The following GPR174 variants were observed in gnomAD, a reference collection of about 807,000 sequenced individuals.
GPR174 encodes the protein G protein-coupled receptor 174, also known as probable G protein-coupled receptor 174.
A neutral mutation model predicts 16.5 loss-of-function variants in GPR174; 8 were observed. That is an observed-to-expected ratio of 0.48 (90% confidence interval 0.28 to 0.87). The LOEUF (loss-of-function observed/expected upper bound fraction) is 0.87, where lower values mean the gene tolerates loss of function less well. Among genes scored for constraint, GPR174 ranks in the 40% least tolerant of loss-of-function variants. GPR174 has a pLI of 0.09. For synonymous variants in GPR174, 111 were observed against 94.8 expected, an observed-to-expected ratio of 1.17 and a Z score of -0.99; for missense variants, 214 against 247.5, an observed-to-expected ratio of 0.86 and a Z score of 0.91.
intron 2 of GPR174, among the ~76,000 whole-genome samples, chrX:79,158,263 G>A (rs1359829951): frequency 9.5e-6 from 1 of 105,006 alleles, no homozygotes; most frequent in Admixed American, 1.0e-4. Flanking sequence ...CTCTGTTCAA[G>A]ACCACTTGAG....
chrX:79,155,812 G>A (rs756248101), intron 1 of GPR174, among the ~76,000 whole-genome samples: 21 of 111,805 alleles, frequency 1.9e-4, no homozygotes, highest in African/African-American at 6.5e-4. Flanking sequence ...CGTGTTAAAA[G>A]GATTAGCTTG....
intron 2 of GPR174, among the ~76,000 whole-genome samples, chrX:79,163,954 G>A (rs1166826404): frequency 1.8e-5 from 2 of 111,169 alleles, no homozygotes; most frequent in African/African-American, 3.3e-5. Context: ...ATATGAAATG[G>A]CCCTATATGA....
chrX:79,163,767 C>T (rs1480446972), intron 2 of GPR174, among the ~76,000 whole-genome samples: 10 of 111,606 alleles, frequency 9.0e-5, no homozygotes, highest in African/African-American at 3.3e-4. Flanking sequence ...ATGTAACATT[C>T]CATTCAAATA....
chrX:79,154,415 C>T (rs754989721), intron 1 of GPR174, among the ~76,000 whole-genome samples: 2 of 111,670 alleles, frequency 1.8e-5, no homozygotes, highest in Non-Finnish European at 3.8e-5. Context: ...AGTAGAAACA[C>T]TCGCTATAAG....
At chrX:79,149,132 T>C (rs746063515) in intron 1 of GPR174, among the ~76,000 whole-genome samples, 28 of 111,849 alleles carry the variant, frequency 2.5e-4, no homozygotes, top group Non-Finnish European at 5.1e-4. Flanking sequence ...TAAATTTACA[T>C]TTTATTTTAA....
intron 2 of GPR174, among the ~76,000 whole-genome samples, chrX:79,163,358 A>G (rs1211690641): frequency 8.9e-6 from 1 of 112,205 alleles, no homozygotes; most frequent in Non-Finnish European, 1.9e-5. Context: ...GAAAAGGTCC[A>G]GAAAGTTTAC....
At position 79,145,000 on chromosome X, in the gene GPR174, CTCTCTCTTTCTT is replaced by C. The variant is rs1320077124; in HGVS notation, c.-867_-856del. 8.0e-3 allele frequency: 267 copies of C among 33,539 alleles called. 2 individuals carry two copies. Among genetic ancestry groups the C allele is most frequent in the African/African-American group, 0.017 (210 of 12,456 alleles). The allele number at this position is 33,539 out of a possible 1,213,427, so 2.8% of individuals were successfully genotyped here. ...TCTTTTTCTTTCTTTCTTTCTCTCTCTCTCTCTTTCTTTCTTTCTTTCTTTCTTTCTTTCTTT... is the reference window on the plus strand; with the variant it reads ...TCTTTTTCTTTCTTTCTTTCTCTCTCTCTTTCTTTCTTTCTTTCTTTCTTT... On this transcript the variant is annotated 5_prime_UTR_variant, in exon 1 of 3. Coordinates refer to ENST00000645147, the MANE Select transcript of GPR174 (RefSeq NM_032553.3).
chrX:79,150,819 C>T (rs1006193949), intron 1 of GPR174, among the ~76,000 whole-genome samples: 1 of 111,594 alleles, frequency 9.0e-6, no homozygotes, highest in Non-Finnish European at 1.9e-5. Flanking sequence ...CCTATTCCCA[C>T]ATCTCCGGGA....
In GPR174 at chrX:79,173,583, T is replaced by A. The variant is rs1921569064; in HGVS notation, c.*1574T>A. 1 of 112,188 alleles carries A rather than the reference T, an allele frequency of 8.9e-6. No homozygotes were observed. Among genetic ancestry groups the A allele is most frequent in the African/African-American group, 3.2e-5 (1 of 30,911 alleles). The allele number at this position is 112,188 out of a possible 1,213,427, so 9.2% of individuals were successfully genotyped here. On this transcript the variant is annotated 3_prime_UTR_variant, in exon 3 of 3. Transcript: ENST00000645147. ...GGTTGTTTTAGGCATACAGTTATGA[T>A]ACTAATACATTAGGGGAAAACTGGT... is the stretch of plus-strand genomic sequence containing the variant.
intron 1 of GPR174, among the ~76,000 whole-genome samples, chrX:79,145,757 T>G (rs1052940225): frequency 3.6e-5 from 4 of 111,961 alleles, no homozygotes; most frequent in African/African-American, 6.5e-5. Flanking sequence ...TGTAAGTTAC[T>G]TATTTTCACT....
intron 2 of GPR174, among the ~76,000 whole-genome samples, chrX:79,158,420 G>A (rs1053443060): frequency 7.9e-5 from 8 of 100,785 alleles, no homozygotes; most frequent in Admixed American, 2.2e-4. Context: ...ACAGACAGTG[G>A]CATATTTCTT....
chrX:79,146,262 C>T (rs1156550276), intron 1 of GPR174, among the ~76,000 whole-genome samples: 2 of 111,982 alleles, frequency 1.8e-5, no homozygotes, highest in African/African-American at 6.5e-5. Flanking sequence ...TTTGCTGCTC[C>T]TTTGTCTCCT....
At chrX:79,165,459 T>A (rs148568996) in intron 2 of GPR174, among the ~76,000 whole-genome samples, 1 of 111,447 alleles carries the variant, frequency 9.0e-6, no homozygotes, top group East Asian at 2.8e-4. Context: ...CAAGTTTAAG[T>A]TCCTGGGCCC....
rs1237786084 is a variant in GPR174, at chrX:79,171,930, TGCATGACA to T, written c.928_935del (p.Asp310ProfsTer10). 1.3e-5 allele frequency: 16 copies of T among 1,208,848 alleles called. No individual in the cohort carries two copies. The highest frequency in any genetic ancestry group is 1.8e-5 in the Non-Finnish European group (16 of 894,575). On this transcript the variant is annotated frameshift_variant, in exon 3 of 3. Transcript: ENST00000645147. LOFTEE classifies it high-confidence loss of function. ...CGAAGACGGCTTTCAAGACAAGATT[TGCATGACA>T]GCATCCAACTCCATGCAAAATCCTT...
chrX:79,147,121 A>G (rs958005546), intron 1 of GPR174, among the ~76,000 whole-genome samples: 3 of 111,708 alleles, frequency 2.7e-5, no homozygotes, highest in Non-Finnish European at 5.7e-5. Context: ...AACATCTGAG[A>G]CCTTTATGCT....
intron 1 of GPR174, among the ~76,000 whole-genome samples, chrX:79,145,676 G>A (rs1464062287): frequency 9.0e-6 from 1 of 111,358 alleles, no homozygotes; most frequent in African/African-American, 3.3e-5. Flanking sequence ...AAAATGAATG[G>A]TTATTTGAAA....
In GPR174 at chrX:79,172,603, C is replaced by CATT. The variant is rs1302274281; in HGVS notation, c.*595_*597dup. On this transcript the variant is annotated 3_prime_UTR_variant, in exon 3 of 3. Transcript: ENST00000645147. ...TCATTTTTGTGTCAACATGAAACAT[C>CATT]ATTTGTCACACCTGTTCACAGAATG... 1.8e-5 allele frequency: 2 copies of CATT among 112,150 alleles called. No individual in the cohort carries two copies. The highest frequency in any genetic ancestry group is 3.8e-5 in the Non-Finnish European group (2 of 53,285). The allele number at this position is 112,150 out of a possible 1,213,427, so 9.2% of individuals were successfully genotyped here.
intron 2 of GPR174, among the ~76,000 whole-genome samples, chrX:79,162,703 A>T (rs1921265361): frequency 8.9e-6 from 1 of 111,971 alleles, no homozygotes; most frequent in African/African-American, 3.2e-5. Flanking sequence ...AGGAATGCAT[A>T]AATTAATAGG....
At chrX:79,150,571 T>G (rs955132050) in intron 1 of GPR174, among the ~76,000 whole-genome samples, 1 of 112,058 alleles carries the variant, frequency 8.9e-6, no homozygotes, top group African/African-American at 3.2e-5. Flanking sequence ...GTTCTTTATA[T>G]TTTTCTGCAA....
Sources: allele counts gnomAD v4.1 joint callset (sites outside exome capture counted in the v4.1 genomes callset), GRCh38; gene constraint gnomAD v4.1.1; transcripts MANE v1.5; gene names NCBI Gene and HGNC (gene_info 2026-07-23, HGNC 2026-07-21).